The following POLR3A variants were observed in gnomAD, a reference collection of about 807,000 sequenced individuals.
The protein encoded by POLR3A is DNA-directed RNA polymerase III subunit RPC1.
Under a neutral mutation model 152.8 loss-of-function variants are expected in POLR3A, and 112 were observed. The observed-to-expected ratio is 0.73, with a 90% CI of 0.63 to 0.86. POLR3A has a LOEUF of 0.86. Among genes scored for constraint, POLR3A ranks in the 40% least tolerant of loss-of-function variants. The pLI, the probability that POLR3A is intolerant of heterozygous loss-of-function variation, is 0.00. For missense variants in POLR3A, 1,385 were observed against 1,743.1 expected (o/e 0.79, Z 3.66); for synonymous variants, 615 against 652.1 (o/e 0.94, Z 0.87).
chr10:78,017,871 G>A (rs1397669415), intron 9 of POLR3A, among the ~76,000 whole-genome samples, 155 bp from the exon 10 acceptor site: 1 of 151,982 alleles, frequency 6.6e-6, no homozygotes, highest in Non-Finnish European at 1.5e-5. Flanking sequence ...CAAGAAAAAA[G>A]CTCCCTATTA....
chr10:77,991,772 G>A (rs1385002276), intron 20 of POLR3A, among the ~76,000 whole-genome samples: 2 of 152,114 alleles, frequency 1.3e-5, no homozygotes, highest in Admixed American at 6.5e-5. Flanking sequence ...TGATATGACC[G>A]CCTCAGCCTC....
In POLR3A at chr10:77,996,153, T is replaced by A. The variant is rs1411781477; in HGVS notation, c.2617-2786A>T. On this transcript the variant is annotated intron_variant, in intron 19 of 30. Transcript: ENST00000372371. ...AACATACCAGAATCTCTGGGACGCA[T>A]TCAAAGCAGTGTGTAGAGGGAAATT... Among the ~76,000 whole-genome samples, 7 of 151,910 alleles carry A rather than the reference T, an allele frequency of 4.6e-5. No homozygotes were observed. The South Asian group carries it at 1.3e-3, about 27-fold the overall frequency.
At chr10:78,010,089 A>T in intron 12 of POLR3A, 98 bp from the exon 13 acceptor site, 1 of 1,475,178 alleles carries the variant, frequency 6.8e-7, no homozygotes, top group Non-Finnish European at 9.2e-7. Context: ...CATGACCAAC[A>T]GCGTGAATTG....
At chr10:77,991,735 G>C (rs1425427495) in intron 20 of POLR3A, among the ~76,000 whole-genome samples, 1 of 152,098 alleles carries the variant, frequency 6.6e-6, no homozygotes, top group African/African-American at 2.4e-5. Flanking sequence ...ATGTTGGCCA[G>C]GCTGGTTTCA....
intron 17 of POLR3A, 57 bp downstream of exon 17, chr10:78,002,140 G>A (rs1186829112): frequency 9.7e-7 from 1 of 1,035,196 alleles, no homozygotes; most frequent in Non-Finnish European, 1.4e-6. Flanking sequence ...ATTTTCTGGA[G>A]CCAAACAGCC....
In POLR3A at chr10:77,985,300, CACA is replaced by C; in HGVS notation, c.3109_3111del (p.Cys1037del). The C allele has an allele frequency of 6.2e-7, 1 of 1,613,690 alleles. No individual in the cohort carries two copies. The highest frequency in any genetic ancestry group is 8.5e-7 in the Non-Finnish European group (1 of 1,179,544). On this transcript the variant is annotated inframe_deletion, in exon 24 of 31. Coordinates refer to ENST00000372371, the MANE Select transcript of POLR3A (RefSeq NM_007055.4). ...GTGCCTGGCTCACCAATGCTCTGGG[CACA>C]CAGAGCACCCACTGCAGAACCTGGC...
chr10:78,021,796 G>A lies in POLR3A; in HGVS notation c.1048+64C>T, dbSNP rs147402441. 1,528 of 1,609,820 alleles carry A rather than the reference G, an allele frequency of 9.5e-4. 8 individuals carry two copies. The African/African-American group carries it at 0.015, about 16-fold the overall frequency. On this transcript the variant is annotated intron_variant, in intron 7 of 30. Coordinates refer to ENST00000372371, the MANE Select transcript of POLR3A (RefSeq NM_007055.4). Reference sequence around the variant, plus strand: ...GACCTCCAATCAGAGAAGCTGGACAGACACTCCTGAAAAAGGAACCAAAGA... The same window carrying A: ...GACCTCCAATCAGAGAAGCTGGACAAACACTCCTGAAAAAGGAACCAAAGA...
intron 30 of POLR3A, among the ~76,000 whole-genome samples, chr10:77,978,203 A>G (rs2131923765): frequency 6.6e-6 from 1 of 152,296 alleles, no homozygotes; most frequent in East Asian, 1.9e-4. Flanking sequence ...GAGTTACAGG[A>G]TCAAGGGGGT....
intron 19 of POLR3A, among the ~76,000 whole-genome samples, chr10:77,996,112 A>G (rs1343649647): frequency 6.6e-6 from 1 of 152,188 alleles, no homozygotes; most frequent in Non-Finnish European, 1.5e-5. Context: ...TTTGAAACCA[A>G]CGAGAACAAA....
Position 78,024,614 on chromosome 10 carries a change from G to A in POLR3A, c.580C>T (p.Leu194Phe), listed in dbSNP as rs751678389. 6.2e-7 allele frequency: 1 copy of A among 1,613,862 alleles called. No individual in the cohort carries two copies. Among genetic ancestry groups the A allele is most frequent in the South Asian group, 1.1e-5 (1 of 91,076 alleles). The change falls in exon 5 of 31, where the codon CTT becomes TTT. Residue 194 changes from leucine (L) to phenylalanine (F), a missense_variant. By Grantham distance (22) the Leu-to-Phe change is conservative. Transcript: ENST00000372371. ...TCAATGGCTGTTTCAAAAGACTGAA[G>A]GAAATTTGATACAATGGGATCCACC... The part of the protein sequence containing the change: ...KVVDPIVSNF[L>F]QSFETAIEHN...
At chr10:77,986,204 T>C (rs754312415) in intron 21 of POLR3A, 45 bp from the exon 22 acceptor site, 3 of 935,596 alleles carry the variant, frequency 3.2e-6, no homozygotes, top group East Asian at 2.4e-5. Flanking sequence ...TTCACAGTCA[T>C]GCAGATGACA....
chr10:78,023,202 T>C (rs1847597075), intron 5 of POLR3A, among the ~76,000 whole-genome samples: 1 of 151,288 alleles, frequency 6.6e-6, no homozygotes, highest in African/African-American at 2.4e-5. Flanking sequence ...GGCTCATGTC[T>C]ATAATCCCAG....
chr10:78,012,507 A>G (rs1847476181), intron 11 of POLR3A, among the ~76,000 whole-genome samples: 1 of 152,194 alleles, frequency 6.6e-6, no homozygotes, highest in African/African-American at 2.4e-5. Flanking sequence ...AATGGTAATA[A>G]GTGATTTTGG....
chr10:78,012,807 A>T (rs144616968), intron 11 of POLR3A, among the ~76,000 whole-genome samples: 135 of 151,994 alleles, frequency 8.9e-4, no homozygotes, highest in Admixed American at 1.8e-3. Context: ...CTGCAGCCTC[A>T]ACCTCCTGGG....
chr10:77,981,425 T>A lies in POLR3A; in HGVS notation c.3891+3A>T. 1 of 1,614,038 alleles carries A rather than the reference T, an allele frequency of 6.2e-7. No individual in the cohort carries two copies. Among genetic ancestry groups the A allele is most frequent in the Non-Finnish European group, 8.5e-7 (1 of 1,179,912 alleles). Reference sequence around the variant, plus strand: ...GCAGCCCGGGGGCCTCCTGCCCACATACCTTGTAGGTCATGAGGTCGGAGA... The same window carrying A: ...GCAGCCCGGGGGCCTCCTGCCCACAAACCTTGTAGGTCATGAGGTCGGAGA... On this transcript the variant is annotated splice_donor_region_variant and intron_variant, in intron 29 of 30. Coordinates refer to ENST00000372371, the MANE Select transcript of POLR3A (RefSeq NM_007055.4).
At chr10:77,986,434 C>T (rs1847199143) in intron 21 of POLR3A, among the ~76,000 whole-genome samples, 1 of 152,166 alleles carries the variant, frequency 6.6e-6, no homozygotes, top group Admixed American at 6.5e-5. Context: ...ATCTACAGAG[C>T]CCACAAAGTG....
intron 21 of POLR3A, among the ~76,000 whole-genome samples, chr10:77,990,354 A>G (rs895582362): frequency 6.6e-6 from 1 of 152,248 alleles, no homozygotes; most frequent in African/African-American, 2.4e-5. Context: ...TGGTATCAAA[A>G]CAAGACTACT....
rs59548771 is a variant in POLR3A at position 78,024,370 on chromosome 10, C to CAA, written c.645+177_645+178dup. Among the ~76,000 whole-genome samples, 42 of 67,504 alleles carry CAA rather than the reference C, an allele frequency of 6.2e-4. No individual in the cohort carries two copies. In the East Asian group the frequency reaches 8.5e-3, roughly 14 times the overall value. The allele number at this position is 67,504 out of a possible 152,430, so 44.3% of individuals were successfully genotyped here. Reference sequence around the variant, plus strand: ...AAGAGCGAGACTCTGTCTTCCATCTCAAAAAAAAAAAAAAAAAAAGGAATT... The same window carrying CAA: ...AAGAGCGAGACTCTGTCTTCCATCTCAAAAAAAAAAAAAAAAAAAAAGGAATT... On this transcript the variant is annotated intron_variant, in intron 5 of 30. Transcript: ENST00000372371.
At chr10:78,005,652 C>T (rs1463440970) in intron 15 of POLR3A, among the ~76,000 whole-genome samples, 2 of 152,200 alleles carry the variant, frequency 1.3e-5, no homozygotes, top group Non-Finnish European at 2.9e-5. Flanking sequence ...GGTTCTGCAA[C>T]TGCTGGAAAT....
Sources: gnomAD v4.1 joint callset for allele counts (sites outside exome capture counted in the v4.1 genomes callset) on GRCh38, gnomAD v4.1.1 for gene constraint, MANE v1.5 for transcripts, NCBI Gene and HGNC (gene_info 2026-07-23, HGNC 2026-07-21) for gene names.